The following HUWE1 variants were observed in gnomAD, a reference collection of about 807,000 sequenced individuals.
The protein encoded by HUWE1 is HECT, UBA and WWE domain containing E3 ubiquitin protein ligase 1.
A neutral mutation model predicts 299.4 loss-of-function variants in HUWE1; 18 were observed. That is an observed-to-expected ratio of 0.06 (90% CI 0.04 to 0.09). The LOEUF is 0.09. Ranked by LOEUF, HUWE1 falls within the 10% of genes least tolerant of loss-of-function variation. HUWE1 has a pLI of 1.00. For synonymous variants in HUWE1, 1,317 were observed against 1,286.1 expected (o/e 1.02, Z -0.51); for missense variants, 1,832 against 3,462.3 (o/e 0.53, Z 11.82).
chrX:53,646,605 A>T (rs920192491), intron 6 of HUWE1, among the ~76,000 whole-genome samples: 1 of 112,043 alleles, frequency 8.9e-6, no homozygotes, highest in African/African-American at 3.2e-5. Flanking sequence ...CATGGGCAGC[A>T]TATCTATTTC....
At chrX:53,655,378 A>G (rs2068697742) in intron 3 of HUWE1, among the ~76,000 whole-genome samples, 1 of 112,032 alleles carries the variant, frequency 8.9e-6, no homozygotes, top group South Asian at 3.8e-4. Flanking sequence ...CCATTCAATC[A>G]GCAGGCATTC....
At chrX:53,534,726 C>A in intron 81 of HUWE1, 29 bp from the exon 82 acceptor site, 1 of 1,186,510 alleles carries the variant, frequency 8.4e-7, no homozygotes, top group Non-Finnish European at 1.1e-6. Context: ...AGCCAAATGA[C>A]TTCTAAACTC....
In HUWE1 at chrX:53,632,563, T is replaced by C; in HGVS notation, c.569A>G (p.Lys190Arg). 1.7e-6 allele frequency: 2 copies of C among 1,175,599 alleles called. No homozygotes were observed. Among genetic ancestry groups the C allele is most frequent in the Non-Finnish European group, 2.3e-6 (2 of 862,553 alleles). The change falls in exon 9 of 84, where the codon AAA becomes AGA. Residue 190 changes from lysine to arginine, a missense_variant and splice_region_variant. Physicochemically the swap from Lys to Arg is conservative, Grantham distance 26. Transcript: ENST00000262854. Reference protein sequence around the residue: ...AECCRDLHMMKYPPSATTLHF... With the variant: ...AECCRDLHMMRYPPSATTLHF... ...TAGTGTAGTTGCACTGGGTGGATAT[T>C]TCTGTGTATAAAGCACATCAAAGAA...
chrX:53,588,665 C>T, intron 36 of HUWE1, 131 bp from the exon 37 acceptor site: 1 of 593,480 alleles, frequency 1.7e-6, no homozygotes, highest in Non-Finnish European at 2.7e-6. Context: ...GTAAATCTAA[C>T]ATATTTACCA....
At chrX:53,656,542 C>CAAAAAAA (rs1275218246) in intron 3 of HUWE1, among the ~76,000 whole-genome samples, 3 of 13,721 alleles carry the variant, frequency 2.2e-4, no homozygotes, top group Non-Finnish European at 3.2e-4. Context: ...ACTCCAGTCT[C>CAAAAAAA]AAAAAAAAAA....
chrX:53,628,866 T>C lies in HUWE1; in HGVS notation c.1000A>G (p.Ile334Val), dbSNP rs781928056. Reference protein sequence around the residue: ...KAASLRTLTSIVHLERTPKLS... With the variant: ...KAASLRTLTSVVHLERTPKLS... ...TTGGGAGTTCTCTCCAAGTGGACAA[T>C]TGATGTTAATGTTCGTAAAGAAGCT... The change falls in exon 14 of 84, where the codon ATT becomes GTT. Residue 334 changes from isoleucine to valine, a missense_variant. Around this residue, in one of 15 missense-constraint regions of HUWE1, gnomAD observed 658 missense variants for 1,282.6 expected, o/e 0.51. Coordinates refer to ENST00000262854, the MANE Select transcript of HUWE1 (RefSeq NM_031407.7). 7 of 1,208,121 alleles carry C rather than the reference T, an allele frequency of 5.8e-6. No individual in the cohort carries two copies. In the Admixed American group the frequency reaches 6.5e-5, roughly 11 times the overall value.
At chrX:53,679,796 T>C (rs1167173374) in intron 3 of HUWE1, among the ~76,000 whole-genome samples, 1 of 112,077 alleles carries the variant, frequency 8.9e-6, no homozygotes, top group Non-Finnish European at 1.9e-5. Context: ...ACATAATGAC[T>C]TGCAATTTTA....
chrX:53,650,488 C>A (rs1185998881), intron 4 of HUWE1, among the ~76,000 whole-genome samples: 1 of 112,363 alleles, frequency 8.9e-6, no homozygotes, highest in Non-Finnish European at 1.9e-5. Context: ...AGCATAATGG[C>A]ATCAATTTAA....
chrX:53,630,439 A>AT (rs1282125782), intron 12 of HUWE1, among the ~76,000 whole-genome samples: 1 of 111,579 alleles, frequency 9.0e-6, no homozygotes, highest in Non-Finnish European at 1.9e-5. Context: ...GGCTGAGAGG[A>AT]TAAGTGTGGC....
intron 19 of HUWE1, among the ~76,000 whole-genome samples, chrX:53,620,917 A>G (rs1391258784): frequency 9.0e-6 from 1 of 111,540 alleles, no homozygotes; most frequent in Non-Finnish European, 1.9e-5. Flanking sequence ...GGTCTCTGCC[A>G]AAGTCCTTTC....
chrX:53,664,936 A>G (rs1320338814), intron 3 of HUWE1, among the ~76,000 whole-genome samples: 2 of 111,932 alleles, frequency 1.8e-5, no homozygotes, highest in African/African-American at 6.5e-5. Flanking sequence ...TCCACTCAAC[A>G]AATATTGTGA....
chrX:53,613,192 T>C (rs1388465552), intron 23 of HUWE1, among the ~76,000 whole-genome samples: 3 of 111,773 alleles, frequency 2.7e-5, no homozygotes, highest in East Asian at 2.8e-4. Context: ...AGAATGAAGA[T>C]AGGTTTGCCT....
intron 5 of HUWE1, among the ~76,000 whole-genome samples, 191 bp downstream of exon 5, chrX:53,648,020 AT>A (rs1278749316): frequency 6.2e-5 from 7 of 112,472 alleles, no homozygotes; most frequent in Non-Finnish European, 1.3e-4. Context: ...TGTGAAATCA[AT>A]TCTCCATCCT....
chrX:53,549,187 CAGGGG>C lies in HUWE1; in HGVS notation c.9802_9806del (p.Pro3268GlyfsTer30). ...TTGACTCCATCTTGTGTAGCAGGTC[CAGGGG>C]ACGGTTCTCATGGCTACTTGACCCA... On this transcript the variant is annotated frameshift_variant, in exon 67 of 84. Coordinates refer to ENST00000262854, the MANE Select transcript of HUWE1 (RefSeq NM_031407.7). LOFTEE classifies it high-confidence loss of function. 5.8e-6 allele frequency: 7 copies of C among 1,212,085 alleles called. No individual in the cohort carries two copies. The highest frequency in any genetic ancestry group is 7.8e-6 in the Non-Finnish European group (7 of 895,522).
chrX:53,555,488 A>G (rs147642234), intron 60 of HUWE1, among the ~76,000 whole-genome samples: 2,027 of 109,398 alleles, frequency 0.019, 25 homozygotes, highest in Non-Finnish European at 0.026. Context: ...ACCATACCTG[A>G]CTAATTTTTT....
intron 4 of HUWE1, among the ~76,000 whole-genome samples, chrX:53,653,435 T>C (rs1249479174): frequency 1.8e-5 from 2 of 111,463 alleles, no homozygotes; most frequent in Non-Finnish European, 3.8e-5. Flanking sequence ...GCTTGTGCTC[T>C]CTGAACTAAG....
chrX:53,545,898 T>C (rs1365639680), intron 70 of HUWE1, among the ~76,000 whole-genome samples: 1 of 111,486 alleles, frequency 9.0e-6, no homozygotes, highest in Non-Finnish European at 1.9e-5. Flanking sequence ...CTGTACTCCT[T>C]GGTCCAATCA....
In HUWE1 at chrX:53,580,846, G is replaced by C; in HGVS notation, c.5701C>G (p.Arg1901Gly). 8.3e-7 allele frequency: 1 copy of C among 1,210,900 alleles called. No individual in the cohort carries two copies. The highest frequency in any genetic ancestry group is 1.1e-6 in the Non-Finnish European group (1 of 895,048). The change falls in exon 43 of 84, where the codon CGA becomes GGA. Residue 1901 changes from arginine (R) to glycine (G), a missense_variant. Transcript: ENST00000262854. ...CGAAACTTACCAGTTCCTGAGCCTCGAGGGGCAGGAAGGGCGATGCGGATA... is the reference window on the plus strand; with the variant it reads ...CGAAACTTACCAGTTCCTGAGCCTCCAGGGGCAGGAAGGGCGATGCGGATA... Reference protein sequence around the residue: ...CCIRIALPAPRGSGTASDDEF... With the variant: ...CCIRIALPAPGGSGTASDDEF...
At chrX:53,624,298 T>C (rs1206542158) in intron 19 of HUWE1, among the ~76,000 whole-genome samples, 1 of 111,881 alleles carries the variant, frequency 8.9e-6, no homozygotes, top group African/African-American at 3.3e-5. Context: ...CTGTGTTTTA[T>C]ATCCTTGCAG....
Sources: gnomAD v4.1 joint callset for allele counts (sites outside exome capture counted in the v4.1 genomes callset) on GRCh38, gnomAD v4.1.1 for gene constraint, gnomAD v4.1.1 regional missense constraint, MANE v1.5 for transcripts, NCBI Gene and HGNC (gene_info 2026-07-23, HGNC 2026-07-21) for gene names.